CENPP: variants seen among roughly 807,000 people sequenced by gnomAD.
CENPP encodes centromere protein P.
Under a neutral mutation model 35.6 loss-of-function variants are expected in CENPP, and 24 were observed. The ratio of observed to expected loss-of-function variants is 0.67; its 90% CI spans 0.49 to 0.95. CENPP has a LOEUF of 0.95. Among genes scored for constraint, CENPP ranks in the 40% least tolerant of loss-of-function variants. The pLI, the probability that CENPP is intolerant of heterozygous loss-of-function variation, is 0.00. For synonymous variants in CENPP, 120 were observed against 125.5 expected (o/e 0.96, Z 0.29); for missense variants, 332 against 345.3 (o/e 0.96, Z 0.31).
Position 92,616,309 on chromosome 9 carries a change from G to A in CENPP, c.*3160G>A, listed in dbSNP as rs947895501. 5 of 433,324 alleles carry A rather than the reference G, an allele frequency of 1.2e-5. No individual in the cohort carries two copies. The highest frequency in any genetic ancestry group is 7.6e-5 in the South Asian group (3 of 39,216). 26.8% of individuals were successfully genotyped at this position (433,324 alleles called of 1,614,324 possible). ...GTCTGTGCCGGCTGTGTGCACCAGC[G>A]TGCAAAGCTTCCTCAGGCCAGTGCA... On this transcript the variant is annotated 3_prime_UTR_variant, in exon 8 of 8. Transcript: ENST00000375587.
chr9:92,582,115 A>G (rs1277242358), intron 5 of CENPP, among the ~76,000 whole-genome samples: 1 of 152,102 alleles, frequency 6.6e-6, no homozygotes, highest in Non-Finnish European at 1.5e-5. Context: ...GTGCAGTGGC[A>G]TGATCTTGGC....
At chr9:92,494,438 T>C (rs1846260602) in intron 5 of CENPP, among the ~76,000 whole-genome samples, 1 of 152,200 alleles carries the variant, frequency 6.6e-6, no homozygotes, top group African/African-American at 2.4e-5. Flanking sequence ...TGCACCTTCA[T>C]TCCTAAACTG....
intron 2 of CENPP, 92 bp downstream of exon 2, chr9:92,332,443 C>A: frequency 3.5e-6 from 3 of 854,516 alleles, no homozygotes; most frequent in Non-Finnish European, 5.1e-6. Flanking sequence ...TAAAATTCTA[C>A]AAGGTAAGTA....
In CENPP at chr9:92,455,361, G is replaced by A. The variant is rs1214927323; in HGVS notation, c.564+75502G>A. Among the ~76,000 whole-genome samples, 7 of 152,234 alleles carry A rather than the reference G, an allele frequency of 4.6e-5. No homozygotes were observed. In the East Asian group the frequency reaches 1.4e-3, roughly 29 times the overall value. On this transcript the variant is annotated intron_variant, in intron 5 of 7. Coordinates refer to ENST00000375587, the MANE Select transcript of CENPP (RefSeq NM_001012267.3). Reference sequence around the variant, plus strand: ...GCTATGATCACACTGCTGCACTGAAGCCTGGGCAACAGAGCAAGACTCTGT... The same window carrying A: ...GCTATGATCACACTGCTGCACTGAAACCTGGGCAACAGAGCAAGACTCTGT...
chr9:92,580,149 A>G (rs1588293171), intron 5 of CENPP, among the ~76,000 whole-genome samples: 1 of 152,290 alleles, frequency 6.6e-6, no homozygotes, highest in Middle Eastern at 3.4e-3. Flanking sequence ...CCAGGGATGA[A>G]GCCCACTTGA....
chr9:92,449,604 A>C (rs1048136836), intron 5 of CENPP, among the ~76,000 whole-genome samples: 127 of 152,150 alleles, frequency 8.3e-4, no homozygotes, highest in African/African-American at 2.8e-3. Flanking sequence ...TCCCACCCAA[A>C]TCTCATGTCA....
intron 5 of CENPP, among the ~76,000 whole-genome samples, chr9:92,583,406 C>T (rs1044514065): frequency 6.6e-6 from 1 of 152,178 alleles, no homozygotes; most frequent in Non-Finnish European, 1.5e-5. Flanking sequence ...TAACCTAGTG[C>T]AAGCTTTGTA....
intron 5 of CENPP, among the ~76,000 whole-genome samples, chr9:92,554,602 G>A (rs1453944126): frequency 6.6e-6 from 1 of 152,108 alleles, no homozygotes; most frequent in Non-Finnish European, 1.5e-5. Flanking sequence ...TTGATATGTT[G>A]TTGGATTCTA....
chr9:92,605,608 G>C (rs1025566436), intron 5 of CENPP, among the ~76,000 whole-genome samples: 1 of 152,036 alleles, frequency 6.6e-6, no homozygotes, highest in Admixed American at 6.6e-5. Flanking sequence ...CAAAAGAATG[G>C]AGCTGGACCC....
intron 5 of CENPP, among the ~76,000 whole-genome samples, chr9:92,411,684 A>G (rs1373528700): frequency 1.3e-5 from 2 of 152,178 alleles, no homozygotes; most frequent in African/African-American, 4.8e-5. Context: ...ATTTAGGAGG[A>G]GATACAAATT....
intron 4 of CENPP, among the ~76,000 whole-genome samples, chr9:92,366,539 T>C (rs1841893722): frequency 6.6e-6 from 1 of 152,236 alleles, no homozygotes; most frequent in South Asian, 2.1e-4. Context: ...TACAGATCAC[T>C]CAACTGATCT....
At chr9:92,522,740 T>C in intron 5 of CENPP, 1 of 1,614,184 alleles carries the variant, frequency 6.2e-7, no homozygotes, top group South Asian at 1.1e-5. Flanking sequence ...TTGTGTGAGG[T>C]TGAACTTTTC....
chr9:92,611,513 G>A (rs1307576273), intron 6 of CENPP, 120 bp downstream of exon 6: 3 of 733,954 alleles, frequency 4.1e-6, no homozygotes, highest in Admixed American at 2.7e-5. Context: ...AAGGTCGTCG[G>A]TTGGAGGAAT....
chr9:92,358,144 C>G (rs1841642537), intron 4 of CENPP, among the ~76,000 whole-genome samples: 1 of 150,726 alleles, frequency 6.6e-6, no homozygotes, highest in African/African-American at 2.4e-5. Context: ...TTTATTCTGT[C>G]TGCTTCTTCC....
At chr9:92,463,120 G>C (rs527574701) in intron 5 of CENPP, among the ~76,000 whole-genome samples, 2 of 152,188 alleles carry the variant, frequency 1.3e-5, no homozygotes, top group African/African-American at 4.8e-5. Flanking sequence ...CGGAATTTCT[G>C]TTCCCACCCT....
chr9:92,361,530 A>T (rs1028800725), intron 4 of CENPP, among the ~76,000 whole-genome samples: 3 of 150,576 alleles, frequency 2.0e-5, no homozygotes, highest in Admixed American at 6.7e-5. Context: ...CCCAGGCTGG[A>T]GTGCAGTGGC....
intron 5 of CENPP, among the ~76,000 whole-genome samples, chr9:92,440,051 G>T (rs1305702093): frequency 1.3e-5 from 2 of 152,106 alleles, no homozygotes; most frequent in Non-Finnish European, 2.9e-5. Context: ...CAAATTACAT[G>T]CTATTTTGAG....
In CENPP at chr9:92,550,605, A is replaced by G. The variant is rs1849568066; in HGVS notation, c.565-60709A>G. Reference sequence around the variant, plus strand: ...GTCCTGCTGTAGTAATATTCAGTCCAGGAGGCTGGAAGTATTTCTAGATAG... The same window carrying G: ...GTCCTGCTGTAGTAATATTCAGTCCGGGAGGCTGGAAGTATTTCTAGATAG... On this transcript the variant is annotated intron_variant, in intron 5 of 7. Transcript: ENST00000375587. Among the ~76,000 whole-genome samples, 4 of 152,010 alleles carry G rather than the reference A, an allele frequency of 2.6e-5. No homozygotes were observed. In the South Asian group the frequency reaches 8.3e-4, roughly 32 times the overall value.
chr9:92,562,681 G>A (rs1390882260), intron 5 of CENPP, among the ~76,000 whole-genome samples: 1 of 152,140 alleles, frequency 6.6e-6, no homozygotes, highest in African/African-American at 2.4e-5. Flanking sequence ...TGCTTAGCGT[G>A]AGGTTTGTGA....
Sources: gnomAD v4.1 joint callset for allele counts (sites outside exome capture counted in the v4.1 genomes callset) on GRCh38, gnomAD v4.1.1 for gene constraint, MANE v1.5 for transcripts, NCBI Gene and HGNC (gene_info 2026-07-23, HGNC 2026-07-21) for gene names.